ADAMTSL1: variants seen among roughly 807,000 people sequenced by gnomAD.
The protein encoded by ADAMTSL1 is ADAMTS-like protein 1.
Under a neutral mutation model 201.8 loss-of-function variants are expected in ADAMTSL1, and 126 were observed. The ratio of observed to expected loss-of-function variants is 0.62; its 90% CI spans 0.54 to 0.72. The LOEUF (loss-of-function observed/expected upper bound fraction) is 0.72. Ranked by LOEUF, ADAMTSL1 falls within the 30% of genes least tolerant of loss-of-function variation. The pLI is 0.00. For missense variants in ADAMTSL1, 2,679 were observed against 2,277.8 expected, an observed-to-expected ratio of 1.18 and a Z score of -3.59; for synonymous variants, 1,121 against 903.4, an observed-to-expected ratio of 1.24 and a Z score of -4.32.
intron 23 of ADAMTSL1, among the ~76,000 whole-genome samples, chr9:18,870,236 C>T (rs569133149): frequency 3.9e-5 from 6 of 152,176 alleles, no homozygotes; most frequent in East Asian, 1.9e-4. Context: ...GTTGACAGCT[C>T]TTTTGCTGAA....
intron 26 of ADAMTSL1, among the ~76,000 whole-genome samples, chr9:18,900,213 A>T (rs577458697): frequency 2.0e-5 from 3 of 152,376 alleles, no homozygotes; most frequent in African/African-American, 4.8e-5. Context: ...AGAAATGCAA[A>T]TCAAAACCAC....
intron 1 of ADAMTSL1, among the ~76,000 whole-genome samples, chr9:18,497,452 G>A (rs907977196): frequency 1.3e-5 from 2 of 152,068 alleles, no homozygotes; most frequent in African/African-American, 4.8e-5. Flanking sequence ...CACAGAAAAA[G>A]AGAAACAGAC....
intron 1 of ADAMTSL1, among the ~76,000 whole-genome samples, chr9:18,159,499 G>A (rs182008804): frequency 1.4e-3 from 218 of 152,124 alleles, no homozygotes; most frequent in Admixed American, 2.2e-3. Context: ...TTATAGCTAC[G>A]TGGAATTTCT....
At chr9:18,605,112 T>A (rs939915358) in intron 4 of ADAMTSL1, among the ~76,000 whole-genome samples, 1 of 152,164 alleles carries the variant, frequency 6.6e-6, no homozygotes, top group Non-Finnish European at 1.5e-5. Context: ...CTTCCCTACC[T>A]TTTTTCCCTC....
chr9:18,314,371 A>G (rs1237977632), intron 2 of ADAMTSL1, among the ~76,000 whole-genome samples: 1 of 152,026 alleles, frequency 6.6e-6, no homozygotes, highest in African/African-American at 2.4e-5. Flanking sequence ...GGACCCTTGC[A>G]GTGAGTGTTA....
chr9:18,344,425 G>GT (rs1421729338), intron 2 of ADAMTSL1, among the ~76,000 whole-genome samples: 2 of 151,688 alleles, frequency 1.3e-5, no homozygotes, highest in African/African-American at 4.8e-5. Context: ...CCAAAGCACT[G>GT]TTTTTTGTTT....
chr9:18,249,881 G>T (rs761551853), intron 2 of ADAMTSL1, among the ~76,000 whole-genome samples: 1 of 152,186 alleles, frequency 6.6e-6, no homozygotes, highest in Non-Finnish European at 1.5e-5. Flanking sequence ...GACAGGGACA[G>T]GGTTCTCCGA....
rs1554643642 is a variant in ADAMTSL1, at chr9:18,827,177, A to AAT, written c.4114+714_4114+715insAT. Among the ~76,000 whole-genome samples the AAT allele has an allele frequency of 4.3e-3, 641 of 147,416 alleles. 5 individuals carry two copies. The highest frequency in any genetic ancestry group is 0.015 in the African/African-American group (612 of 39,956). ...GAGATAAAGTTAAAAAAAAAAAAAA[A>AAT]TTTTTTTTGGCTTTCTCAAAAAAAA... On this transcript the variant is annotated intron_variant, in intron 22 of 28. Coordinates refer to ENST00000380548, the MANE Select transcript of ADAMTSL1 (RefSeq NM_001040272.6).
At chr9:17,946,887 C>G (rs1363966328) in intron 1 of ADAMTSL1, among the ~76,000 whole-genome samples, 2 of 152,056 alleles carry the variant, frequency 1.3e-5, no homozygotes, top group Non-Finnish European at 2.9e-5. Flanking sequence ...TTAAAGATTT[C>G]TACTTGATTT....
At chr9:18,078,734 C>G (rs1170170332) in intron 1 of ADAMTSL1, among the ~76,000 whole-genome samples, 2 of 152,120 alleles carry the variant, frequency 1.3e-5, no homozygotes, top group Non-Finnish European at 2.9e-5. Context: ...CTTCTCAGCT[C>G]CTAGATTTCC....
At chr9:17,935,857 C>G (rs563923076) in intron 1 of ADAMTSL1, among the ~76,000 whole-genome samples, 1 of 152,138 alleles carries the variant, frequency 6.6e-6, no homozygotes, top group Non-Finnish European at 1.5e-5. Flanking sequence ...TGCAGGTGAT[C>G]CTATTAAACA....
Position 18,524,793 on chromosome 9 carries a change from A to G in ADAMTSL1, c.192-8454A>G, listed in dbSNP as rs191444742. Among the ~76,000 whole-genome samples, 964 of 152,304 alleles carry G rather than the reference A, an allele frequency of 6.3e-3. 9 individuals are homozygous for G. The highest frequency in any genetic ancestry group is 0.022 in the African/African-American group (916 of 41,550). Reference sequence around the variant, plus strand: ...GCCTTGAATCCCAGGGATGAAGCCCACTTGATCATGGTGGACAAGCTTTTT... The same window carrying G: ...GCCTTGAATCCCAGGGATGAAGCCCGCTTGATCATGGTGGACAAGCTTTTT... On this transcript the variant is annotated intron_variant, in intron 2 of 28. Coordinates refer to ENST00000380548, the MANE Select transcript of ADAMTSL1 (RefSeq NM_001040272.6).
chr9:18,673,562 C>T (rs573214271), intron 9 of ADAMTSL1, among the ~76,000 whole-genome samples: 30 of 152,294 alleles, frequency 2.0e-4, no homozygotes, highest in Non-Finnish European at 2.8e-4. Context: ...CAAAGTTCAA[C>T]GTCTTGAATT....
At chr9:18,378,476 A>C (rs1482888883) in intron 2 of ADAMTSL1, among the ~76,000 whole-genome samples, 1 of 152,208 alleles carries the variant, frequency 6.6e-6, no homozygotes, top group East Asian at 1.9e-4. Context: ...TAAAGATGAG[A>C]TATATCAACT....
intron 2 of ADAMTSL1, among the ~76,000 whole-genome samples, chr9:18,339,352 A>G (rs1258291917): frequency 6.6e-6 from 1 of 152,176 alleles, no homozygotes; most frequent in Non-Finnish European, 1.5e-5. Context: ...CATATGAAAA[A>G]CTGCTTAACA....
intron 1 of ADAMTSL1, among the ~76,000 whole-genome samples, chr9:18,095,868 T>A (rs1284218254): frequency 6.6e-6 from 1 of 152,182 alleles, no homozygotes; most frequent in East Asian, 1.9e-4. Context: ...AATCTGAGAG[T>A]CAGCAATGCC....
intron 7 of ADAMTSL1, among the ~76,000 whole-genome samples, chr9:18,654,101 C>G (rs1158962077): frequency 6.6e-6 from 1 of 152,184 alleles, no homozygotes; most frequent in Non-Finnish European, 1.5e-5. Context: ...TGGTGGTGGA[C>G]ACCTATAATA....
At chr9:18,502,496 T>G (rs1294375896) in intron 1 of ADAMTSL1, among the ~76,000 whole-genome samples, 1 of 152,172 alleles carries the variant, frequency 6.6e-6, no homozygotes, top group African/African-American at 2.4e-5. Context: ...GGAGAAGAAA[T>G]TTGTGTATGC....
chr9:18,533,299 A>G lies in ADAMTSL1; in HGVS notation c.237+7A>G, dbSNP rs756315428. 9 of 1,606,104 alleles carry G rather than the reference A, an allele frequency of 5.6e-6. No individual in the cohort carries two copies. Among genetic ancestry groups the G allele is most frequent in the Non-Finnish European group, 7.7e-6 (9 of 1,176,116 alleles). On this transcript the variant is annotated splice_region_variant and intron_variant, in intron 3 of 28. Transcript: ENST00000380548. ...CAGAACATGCAGTAATGTGGTAAGTATAAGGTTCTGAGATTGTAATCATGT... is the reference window on the plus strand; with the variant it reads ...CAGAACATGCAGTAATGTGGTAAGTGTAAGGTTCTGAGATTGTAATCATGT...
Sources: gnomAD v4.1 joint callset for allele counts (sites outside exome capture counted in the v4.1 genomes callset) on GRCh38, gnomAD v4.1.1 for gene constraint, MANE v1.5 for transcripts, NCBI Gene and HGNC (gene_info 2026-07-23, HGNC 2026-07-21) for gene names.